Variants in EIF2A observed in about 807,000 individuals in gnomAD.
EIF2A encodes eukaryotic translation initiation factor 2A.
In EIF2A, 62 loss-of-function variants were observed where a neutral mutation model predicts 75.2. The ratio of observed to expected loss-of-function variants is 0.82; its 90% CI spans 0.67 to 1.02. The LOEUF (loss-of-function observed/expected upper bound fraction) is 1.02, where lower values mean the gene tolerates loss of function less well. Ranked by LOEUF, EIF2A falls within the 50% of genes least tolerant of loss-of-function variation. EIF2A has a pLI of 0.00. For missense variants in EIF2A, 611 were observed against 677.7 expected (o/e 0.90, Z 1.09); for synonymous variants, 207 against 239.0 (o/e 0.87, Z 1.23).
chr3:150,572,612 C>T (rs906796445), intron 10 of EIF2A, 83 bp downstream of exon 10: 60 of 1,355,086 alleles, frequency 4.4e-5, no homozygotes, highest in Middle Eastern at 2.0e-4. Context: ...CCCAGCACTT[C>T]GGGAGGCCGA....
chr3:150,574,480 A>G (rs1480241833), intron 10 of EIF2A, among the ~76,000 whole-genome samples: 1 of 152,262 alleles, frequency 6.6e-6, no homozygotes, highest in African/African-American at 2.4e-5. Flanking sequence ...AAGAATTTTC[A>G]TATTATGTAT....
Position 150,581,823 on chromosome 3 carries a change from C to T in EIF2A, c.1626+77C>T, listed in dbSNP as rs753104876. 1.0e-4 allele frequency: 151 copies of T among 1,491,656 alleles called. 1 individual carries two copies. Among genetic ancestry groups the T allele is most frequent in the Non-Finnish European group, 1.3e-4 (149 of 1,107,954 alleles). The allele number at this position is 1,491,656 out of a possible 1,614,324, so 92.4% of individuals were successfully genotyped here. ...TATAAGTAAGAGAGTACTTAGATGC[C>T]TAAAGACAGGTATCTAAGAAGTTGG... On this transcript the variant is annotated intron_variant, in intron 12 of 13. Transcript: ENST00000460851.
intron 6 of EIF2A, 196 bp from the exon 7 acceptor site, chr3:150,567,497 G>T (rs772901970): frequency 4.0e-6 from 2 of 495,104 alleles, no homozygotes; most frequent in Non-Finnish European, 7.2e-6. Context: ...GTAAATGACT[G>T]AGTAGAAATT....
chr3:150,549,838 C>T (rs143544720), intron 1 of EIF2A, among the ~76,000 whole-genome samples: 259 of 152,252 alleles, frequency 1.7e-3, no homozygotes, highest in African/African-American at 6.0e-3. Flanking sequence ...TTCACATTGT[C>T]TAATCTGCTT....
At chr3:150,550,406 AGTTTATGTTCT>A (rs1723256709) in intron 1 of EIF2A, among the ~76,000 whole-genome samples, 2 of 152,230 alleles carry the variant, frequency 1.3e-5, no homozygotes, top group African/African-American at 4.8e-5. Context: ...AGTTTAAAAC[AGTTTATGTTCT>A]GTTATGGACC....
chr3:150,550,141 T>TAATG (rs10691089), intron 1 of EIF2A, among the ~76,000 whole-genome samples: 122,254 of 151,704 alleles, frequency 0.81, 50,098 homozygotes, highest in East Asian at 0.91. Flanking sequence ...TTTGTTGTCT[T>TAATG]AAAAGAACTG....
chr3:150,585,618 CCTGA>C lies in EIF2A; in HGVS notation c.*1710_*1713del, dbSNP rs1197452806. On this transcript the variant is annotated 3_prime_UTR_variant, in exon 14 of 14. Transcript: ENST00000460851. ...GTATGTGTTTGTTTCTCTGGAAAAC[CCTGA>C]CTAATACAGATTAGCTATGTATTAG... is the stretch of plus-strand genomic sequence containing the variant. 1 of 152,150 alleles carries C rather than the reference CCTGA, an allele frequency of 6.6e-6. No homozygotes were observed. The highest frequency in any genetic ancestry group is 2.4e-5 in the African/African-American group (1 of 41,426). 9.4% of individuals were successfully genotyped at this position (152,150 alleles called of 1,614,324 possible). A position where few individuals can be genotyped will look rare whatever the true frequency, so the allele number is the denominator to read the frequency against.
chr3:150,564,556 A>G, intron 6 of EIF2A, 175 bp downstream of exon 6: 1 of 442,292 alleles, frequency 2.3e-6, no homozygotes, highest in Admixed American at 4.2e-5. Context: ...AATCTGTAAC[A>G]CAAAGGTTTT....
At chr3:150,560,887 G>A (rs184160399) in intron 3 of EIF2A, among the ~76,000 whole-genome samples, 6 of 152,144 alleles carry the variant, frequency 3.9e-5, no homozygotes, top group Admixed American at 3.9e-4. Context: ...TTGTAAAACA[G>A]AAATGATGAC....
chr3:150,573,902 C>A (rs1344117697), intron 10 of EIF2A, among the ~76,000 whole-genome samples: 1 of 151,910 alleles, frequency 6.6e-6, no homozygotes, highest in African/African-American at 2.4e-5. Flanking sequence ...TCCAAAAAAA[C>A]CTTCACCTTT....
chr3:150,548,722 T>C (rs1417964026), intron 1 of EIF2A, among the ~76,000 whole-genome samples: 3 of 152,200 alleles, frequency 2.0e-5, no homozygotes, highest in Non-Finnish European at 2.9e-5. Flanking sequence ...TATAGTAAAT[T>C]AACCAAGGAT....
At chr3:150,548,683 C>A (rs1576584834) in intron 1 of EIF2A, among the ~76,000 whole-genome samples, 2 of 152,268 alleles carry the variant, frequency 1.3e-5, no homozygotes. Context: ...TTTAGACTAT[C>A]CTTTTAAATT....
intron 3 of EIF2A, 81 bp downstream of exon 3, chr3:150,558,543 G>C (rs887557566): frequency 1.7e-6 from 2 of 1,211,396 alleles, no homozygotes; most frequent in African/African-American, 1.6e-5. Flanking sequence ...AGATATTTGA[G>C]TGTCATTAAT....
chr3:150,571,171 G>A (rs1241002453), intron 9 of EIF2A, among the ~76,000 whole-genome samples: 4 of 151,542 alleles, frequency 2.6e-5, no homozygotes, highest in South Asian at 2.1e-4. Flanking sequence ...ATGGAGTCTC[G>A]CTTTGTCACC....
chr3:150,552,294 T>C, intron 1 of EIF2A, 62 bp from the exon 2 acceptor site: 2 of 1,393,226 alleles, frequency 1.4e-6, no homozygotes, highest in Non-Finnish European at 2.0e-6. Context: ...AAAAAACACA[T>C]TTGTGTTAAC....
At chr3:150,567,608 A>G in intron 6 of EIF2A, 85 bp from the exon 7 acceptor site, 1 of 921,922 alleles carries the variant, frequency 1.1e-6, no homozygotes. Flanking sequence ...GTGTAGTTAT[A>G]GTGATCTTTG....
In EIF2A at chr3:150,583,853, A is replaced by G. The variant is rs911811048; in HGVS notation, c.1700A>G (p.Lys567Arg). The G allele has an allele frequency of 6.2e-7, 1 of 1,613,506 alleles. No homozygotes were observed. Among genetic ancestry groups the G allele is most frequent in the Admixed American group, 1.7e-5 (1 of 59,982 alleles). ...TGTTTCAAACTTTTCTAGTTGGAGA[A>G]AATTCAGAAAGAAACAGCCCTTCTC... ...GKQLEKNQLE[K>R]IQKETALLQE... Residue 567 changes from lysine to arginine, a missense_variant, in exon 14 of 14, where the codon AAA becomes AGA. Transcript: ENST00000460851.
intron 3 of EIF2A, among the ~76,000 whole-genome samples, chr3:150,560,187 AG>A (rs1331984166): frequency 1.3e-5 from 2 of 152,172 alleles, no homozygotes; most frequent in Non-Finnish European, 2.9e-5. Context: ...GAATCTTTTT[AG>A]TATGTCCCCA....
chr3:150,573,479 C>T (rs569566252), intron 10 of EIF2A, among the ~76,000 whole-genome samples: 40 of 152,152 alleles, frequency 2.6e-4, no homozygotes, highest in Admixed American at 1.2e-3. Context: ...CTGGAACTCC[C>T]GACCTTAGGT....
Sources: gnomAD v4.1 joint callset for allele counts (sites outside exome capture counted in the v4.1 genomes callset) on GRCh38, gnomAD v4.1.1 for gene constraint, MANE v1.5 for transcripts, NCBI Gene and HGNC (gene_info 2026-07-23, HGNC 2026-07-21) for gene names.